Variants in FGF12 observed in about 807,000 individuals in gnomAD.
The protein encoded by FGF12 is fibroblast growth factor 12B.
FGF12 carries 14 observed loss-of-function variants against 23.6 expected under a neutral mutation model. The observed-to-expected ratio is 0.59, with a 90% CI of 0.39 to 0.93. FGF12 has a LOEUF of 0.93. Ranked by LOEUF, FGF12 falls within the 40% of genes least tolerant of loss-of-function variation. The pLI, the probability that FGF12 is intolerant of heterozygous loss-of-function variation, is 0.00. For synonymous variants in FGF12, 62 were observed against 77.3 expected (o/e 0.80, Z 1.04); for missense variants, 175 against 217.8 (o/e 0.80, Z 1.24).
intron 2 of FGF12, among the ~76,000 whole-genome samples, chr3:192,495,319 G>A (rs2173916): frequency 0.82 from 125,039 of 152,120 alleles, 52,273 homozygotes; most frequent in Non-Finnish European, 0.9. Context: ...TAAAGTGTCC[G>A]TACATAAACA....
intron 2 of FGF12, among the ~76,000 whole-genome samples, chr3:192,500,691 G>T (rs2108832663): frequency 6.6e-6 from 1 of 152,284 alleles, no homozygotes; most frequent in Non-Finnish European, 1.5e-5. Flanking sequence ...TACTATGACT[G>T]AATATGCATT....
chr3:192,377,417 T>C (rs1408520749), intron 2 of FGF12, among the ~76,000 whole-genome samples: 1 of 152,206 alleles, frequency 6.6e-6, no homozygotes, highest in Non-Finnish European at 1.5e-5. Context: ...CTTTTTGGTT[T>C]TGAGCGCAAC....
intron 4 of FGF12, among the ~76,000 whole-genome samples, chr3:192,177,866 G>A (rs967788423): frequency 6.6e-6 from 1 of 152,044 alleles, no homozygotes; most frequent in Non-Finnish European, 1.5e-5. Context: ...TTAGCACTAC[G>A]GCCACTTTCT....
chr3:192,370,491 T>G (rs1719179531), intron 2 of FGF12, among the ~76,000 whole-genome samples: 1 of 152,162 alleles, frequency 6.6e-6, no homozygotes, highest in Non-Finnish European at 1.5e-5. Context: ...TGCAGTGAGC[T>G]ATGATTGCAT....
chr3:192,161,505 T>TAC (rs10543146), intron 5 of FGF12, among the ~76,000 whole-genome samples: 11,448 of 149,558 alleles, frequency 0.077, 668 homozygotes, highest in South Asian at 0.18. Context: ...AACGCCTATT[T>TAC]ACACACACAC....
chr3:192,567,770 T>TTTCTTTCTTTC, intron 2 of FGF12, among the ~76,000 whole-genome samples: 1 of 134,890 alleles, frequency 7.4e-6, no homozygotes, highest in East Asian at 2.1e-4. Context: ...TCTTTCTTTC[T>TTTCTTTCTTTC]TTCTTTCTTT....
intron 2 of FGF12, among the ~76,000 whole-genome samples, chr3:192,486,785 G>T (rs1196943244): frequency 6.6e-6 from 1 of 152,018 alleles, no homozygotes; most frequent in East Asian, 1.9e-4. Context: ...GGGTAAGATG[G>T]CTAGATGTGT....
chr3:192,345,431 T>TAAC lies in FGF12; in HGVS notation c.125-9968_125-9967insGTT, dbSNP rs1244076743. On this transcript the variant is annotated intron_variant, in intron 3 of 5. Transcript: ENST00000445105. ...GGCCGGGCGCGGTGGCTCACGCCTGTAATCCCAGCACTTTGGGAGGCCGAG... is the reference window on the plus strand; with the variant it reads ...GGCCGGGCGCGGTGGCTCACGCCTGTAACAATCCCAGCACTTTGGGAGGCCGAG... Among the ~76,000 whole-genome samples the TAAC allele has an allele frequency of 1.6e-4, 7 of 42,894 alleles. 1 individual carries two copies. The highest frequency in any genetic ancestry group is 7.7e-3 in the East Asian group (1 of 130). 28.1% of individuals were successfully genotyped at this position (42,894 alleles called of 152,430 possible). A position where few individuals can be genotyped will look rare whatever the true frequency, so the allele number is the denominator to read the frequency against.
chr3:192,560,927 AAAC>A (rs1468822040), intron 2 of FGF12, among the ~76,000 whole-genome samples: 4 of 152,252 alleles, frequency 2.6e-5, no homozygotes, highest in African/African-American at 9.6e-5. Context: ...TAAAAAGAAT[AAAC>A]AAAATATAGT....
intron 4 of FGF12, among the ~76,000 whole-genome samples, chr3:192,331,103 T>A (rs1717091436): frequency 6.6e-6 from 1 of 151,968 alleles, no homozygotes. Context: ...AGCAGGTATG[T>A]TAAAAGATGC....
intron 2 of FGF12, among the ~76,000 whole-genome samples, chr3:192,656,006 C>G (rs1158544618): frequency 6.2e-5 from 8 of 129,132 alleles, no homozygotes; most frequent in Non-Finnish European, 1.3e-4. Context: ...CGTTACATGC[C>G]AGAAAAGAAA....
At chr3:192,567,893 C>T (rs1712416361) in intron 2 of FGF12, among the ~76,000 whole-genome samples, 1 of 150,622 alleles carries the variant, frequency 6.6e-6, no homozygotes, top group Non-Finnish European at 1.5e-5. Flanking sequence ...AGTGCAGTGG[C>T]GCGATCTTGG....
At chr3:192,520,210 T>C (rs1241266572) in intron 2 of FGF12, among the ~76,000 whole-genome samples, 2 of 152,194 alleles carry the variant, frequency 1.3e-5, no homozygotes, top group Non-Finnish European at 2.9e-5. Flanking sequence ...TTTAGATAGA[T>C]TCTGATATAT....
chr3:192,217,814 C>G (rs905134219), intron 4 of FGF12, among the ~76,000 whole-genome samples: 1 of 151,840 alleles, frequency 6.6e-6, no homozygotes, highest in African/African-American at 2.4e-5. Flanking sequence ...TAATTCTTGT[C>G]ACTTTTCTTT....
intron 3 of FGF12, among the ~76,000 whole-genome samples, chr3:192,346,265 C>T (rs770362798): frequency 5.3e-5 from 8 of 152,114 alleles, no homozygotes; most frequent in Non-Finnish European, 1.0e-4. Flanking sequence ...AAATATGGCC[C>T]CATGATACTT....
intron 2 of FGF12, among the ~76,000 whole-genome samples, chr3:192,577,493 C>T (rs539065676): frequency 1.4e-4 from 21 of 152,272 alleles, no homozygotes; most frequent in African/African-American, 4.6e-4. Context: ...GCCAACTTTA[C>T]CTGGAATGCT....
At chr3:192,704,509 G>A (rs550735387) in intron 2 of FGF12, among the ~76,000 whole-genome samples, 8 of 152,290 alleles carry the variant, frequency 5.3e-5, no homozygotes, top group African/African-American at 1.9e-4. Flanking sequence ...TAAACAAATG[G>A]CCTTTCATCA....
At chr3:192,479,956 T>G (rs1448282577) in intron 2 of FGF12, among the ~76,000 whole-genome samples, 1 of 151,520 alleles carries the variant, frequency 6.6e-6, no homozygotes, top group African/African-American at 2.4e-5. Flanking sequence ...TGGGCCAGCC[T>G]GGGTTTGAAA....
intron 2 of FGF12, among the ~76,000 whole-genome samples, chr3:192,485,555 T>TG (rs1465773846): frequency 6.6e-6 from 1 of 152,152 alleles, no homozygotes; most frequent in Non-Finnish European, 1.5e-5. Flanking sequence ...TTCCAGCAAT[T>TG]AGTTGATAAA....
Sources: gnomAD v4.1 joint callset for allele counts (sites outside exome capture counted in the v4.1 genomes callset) on GRCh38, gnomAD v4.1.1 for gene constraint, MANE v1.5 for transcripts, NCBI Gene and HGNC (gene_info 2026-07-23, HGNC 2026-07-21) for gene names.